Variants in CNBD1 observed in about 807,000 individuals in gnomAD.
CNBD1 encodes the protein cyclic nucleotide binding domain containing 1.
A neutral mutation model predicts 54.4 loss-of-function variants in CNBD1; 71 were observed. The observed-to-expected ratio is 1.30, with a 90% CI of 1.08 to 1.59. CNBD1 has a LOEUF of 1.59. CNBD1 is among the 40% of genes most tolerant of loss of function. The probability of loss-of-function intolerance (pLI) is 0.00; values close to 1 mark genes in which losing one functional copy is unlikely to be tolerated. For missense variants in CNBD1, 659 were observed against 518.0 expected (o/e 1.27, Z -2.64); for synonymous variants, 182 against 170.7 (o/e 1.07, Z -0.51).
intron 4 of CNBD1, among the ~76,000 whole-genome samples, chr8:87,174,701 T>A (rs1443977973): frequency 6.6e-6 from 1 of 152,164 alleles, no homozygotes; most frequent in Non-Finnish European, 1.5e-5. Context: ...CTGGGCTTCT[T>A]TTTTTAACTT....
At chr8:86,978,196 T>C (rs1350075231) in intron 4 of CNBD1, among the ~76,000 whole-genome samples, 2 of 152,068 alleles carry the variant, frequency 1.3e-5, no homozygotes, top group African/African-American at 4.8e-5. Flanking sequence ...AAATAATTTA[T>C]AGGAAAAAAA....
At chr8:87,383,271 ATATTGTAGTATAGTT>A (rs1811119529), downstream of CNBD1, among the ~76,000 whole-genome samples, 1 of 152,072 alleles carries the variant, frequency 6.6e-6, no homozygotes, top group South Asian at 2.1e-4. Flanking sequence ...CACATGCTTC[ATATTGTAGTATAGTT>A]TCAGTTTATC....
intron 10 of CNBD1, among the ~76,000 whole-genome samples, chr8:87,381,249 A>C (rs1425572083): frequency 6.6e-6 from 1 of 152,122 alleles, no homozygotes; most frequent in Non-Finnish European, 1.5e-5. Context: ...TTCTCTAAAA[A>C]AGACATACAA....
chr8:87,040,315 G>A (rs1015732786), intron 4 of CNBD1, among the ~76,000 whole-genome samples: 1 of 152,096 alleles, frequency 6.6e-6, no homozygotes. Context: ...GAGTTGGTTA[G>A]GTCAGATTTC....
In CNBD1 at chr8:86,955,495, T is replaced by C. The variant is rs531686710; in HGVS notation, c.431+15741T>C. ...TTCTCCACATCCTCTCCAGCACCTG[T>C]TGTTTCCTGACTTGTTAATGATTGC... On this transcript the variant is annotated intron_variant, in intron 4 of 10. Transcript: ENST00000518476. 7.2e-4 allele frequency among the ~76,000 whole-genome samples: 109 copies of C among 152,336 alleles called. 3 individuals carry two copies. In the South Asian group the frequency reaches 0.02, roughly 27 times the overall value.
At chr8:87,265,335 G>C (rs982521612) in intron 6 of CNBD1, among the ~76,000 whole-genome samples, 1 of 151,962 alleles carries the variant, frequency 6.6e-6, no homozygotes, top group African/African-American at 2.4e-5. Flanking sequence ...ATTTCTGAGG[G>C]CTCTGTTCTG....
At chr8:87,047,022 C>T (rs897209001) in intron 4 of CNBD1, among the ~76,000 whole-genome samples, 9 of 152,056 alleles carry the variant, frequency 5.9e-5, no homozygotes, top group South Asian at 2.1e-4. Context: ...AGTTAGGAGG[C>T]GTGGATGGGT....
chr8:87,311,072 A>G (rs1024500497), intron 8 of CNBD1, among the ~76,000 whole-genome samples: 1 of 152,094 alleles, frequency 6.6e-6, no homozygotes, highest in Non-Finnish European at 1.5e-5. Flanking sequence ...CTCAAAAGCA[A>G]TTGCAACAAA....
chr8:87,359,046 T>C (rs764810156), intron 10 of CNBD1, among the ~76,000 whole-genome samples: 9 of 152,148 alleles, frequency 5.9e-5, no homozygotes, highest in Non-Finnish European at 1.2e-4. Context: ...CATCTGGAAA[T>C]GTTTTACCAG....
chr8:87,358,896 G>T (rs959203015), intron 10 of CNBD1, among the ~76,000 whole-genome samples: 1 of 152,168 alleles, frequency 6.6e-6, no homozygotes, highest in African/African-American at 2.4e-5. Context: ...AGAAGAGATA[G>T]ACAGAATTCC....
At chr8:87,417,522 A>G (rs1376703871) in intron 2 of CNBD1, among the ~76,000 whole-genome samples, 1 of 152,046 alleles carries the variant, frequency 6.6e-6, no homozygotes, top group Non-Finnish European at 1.5e-5. Context: ...AAGAAAAGAT[A>G]TCCAGATTGG....
At position 87,205,975 on chromosome 8, in the gene CNBD1, T is replaced by A. The variant is rs1281137148; in HGVS notation, c.432-18T>A. 4.7e-6 allele frequency: 1 copy of A among 211,950 alleles called. No individual in the cohort carries two copies. Among genetic ancestry groups the A allele is most frequent in the African/African-American group, 4.2e-5 (1 of 23,532 alleles). The allele number at this position is 211,950 out of a possible 1,614,324, so 13.1% of individuals were successfully genotyped here. On this transcript the variant is annotated intron_variant, in intron 4 of 10. Coordinates refer to ENST00000518476, the MANE Select transcript of CNBD1 (RefSeq NM_173538.3). ...TTATGCCATGGTCTCTGAATTTGTA[T>A]TTTTTTTTTTTTTTGAGGCCCATTC...
downstream of CNBD1, among the ~76,000 whole-genome samples, chr8:87,387,613 T>G (rs1261686652): frequency 6.6e-6 from 1 of 152,110 alleles, no homozygotes; most frequent in Non-Finnish European, 1.5e-5. Context: ...AAGCAAGTCC[T>G]TAGAGACCAA....
intron 2 of CNBD1, among the ~76,000 whole-genome samples, chr8:86,899,911 T>G (rs1477115639): frequency 6.6e-6 from 1 of 152,092 alleles, no homozygotes; most frequent in Non-Finnish European, 1.5e-5. Context: ...CATGGCTCAA[T>G]TCCTCCCACC....
At chr8:86,978,125 CCTT>C (rs746487205) in intron 4 of CNBD1, among the ~76,000 whole-genome samples, 32 of 152,276 alleles carry the variant, frequency 2.1e-4, no homozygotes, top group Admixed American at 5.9e-4. Context: ...GTATCACTCT[CCTT>C]ATTTTCTTGC....
chr8:87,363,848 C>G (rs1810577174), intron 10 of CNBD1, among the ~76,000 whole-genome samples: 1 of 151,904 alleles, frequency 6.6e-6, no homozygotes, highest in Non-Finnish European at 1.5e-5. Context: ...TGCAGAAGCT[C>G]TTTAGTTTAA....
At chr8:87,030,600 T>A (rs58174373) in intron 4 of CNBD1, among the ~76,000 whole-genome samples, 4,594 of 152,252 alleles carry the variant, frequency 0.03, 239 homozygotes, top group African/African-American at 0.1. Flanking sequence ...AAAATTTTTT[T>A]AAATTAAAAA....
chr8:87,378,281 T>C (rs1480812106), intron 10 of CNBD1, among the ~76,000 whole-genome samples: 5 of 145,378 alleles, frequency 3.4e-5, no homozygotes, highest in African/African-American at 1.3e-4. Flanking sequence ...GTTTTTATGG[T>C]TTTAGGACTA....
intron 10 of CNBD1, among the ~76,000 whole-genome samples, chr8:87,377,398 C>T (rs981752661): frequency 9.3e-5 from 14 of 150,528 alleles, no homozygotes; most frequent in African/African-American, 1.7e-4. Context: ...TGAGAATATG[C>T]GGTGTTTGGT....
Sources: gnomAD v4.1 joint callset for allele counts (sites outside exome capture counted in the v4.1 genomes callset) on GRCh38, gnomAD v4.1.1 for gene constraint, MANE v1.5 for transcripts, NCBI Gene and HGNC (gene_info 2026-07-23, HGNC 2026-07-21) for gene names.